Variants in CNNM1 observed in about 807,000 individuals in gnomAD.
CNNM1 encodes metal transporter CNNM1.
A neutral mutation model predicts 78.8 loss-of-function variants in CNNM1; 44 were observed. That is an observed-to-expected ratio of 0.56 (90% confidence interval 0.44 to 0.72). The LOEUF (loss-of-function observed/expected upper bound fraction) is 0.72. Among genes scored for constraint, CNNM1 ranks in the 30% least tolerant of loss-of-function variants. The pLI is 0.00. For missense variants in CNNM1, 1,101 were observed against 1,292.2 expected, an observed-to-expected ratio of 0.85 and a Z score of 2.27; for synonymous variants, 584 against 581.5, an observed-to-expected ratio of 1.00 and a Z score of -0.06.
chr10:99,388,098 G>T (rs1589926157), intron 8 of CNNM1, 54 bp from the exon 9 acceptor site: 2 of 1,606,976 alleles, frequency 1.2e-6, no homozygotes, highest in Admixed American at 3.4e-5. Flanking sequence ...CACACCACCT[G>T]AGCCCTGGGT....
At chr10:99,369,337 G>A (rs2031729610) in intron 6 of CNNM1, among the ~76,000 whole-genome samples, 2 of 152,204 alleles carry the variant, frequency 1.3e-5, no homozygotes, top group South Asian at 4.1e-4. Context: ...TGGGCTCATA[G>A]AGCAAGTAAT....
chr10:99,389,818 C>T (rs2032418625), intron 9 of CNNM1, among the ~76,000 whole-genome samples: 1 of 152,216 alleles, frequency 6.6e-6, no homozygotes, highest in South Asian at 2.1e-4. Flanking sequence ...TAAGGCTTGG[C>T]CCCTTCTGGG....
At chr10:99,337,494 A>ATGCTT (rs375601762) in intron 1 of CNNM1, among the ~76,000 whole-genome samples, 3 of 152,228 alleles carry the variant, frequency 2.0e-5, no homozygotes, top group African/African-American at 7.2e-5. Flanking sequence ...TGTCAGGAAT[A>ATGCTT]TGCTTTGCCT....
intron 1 of CNNM1, among the ~76,000 whole-genome samples, chr10:99,339,652 C>G (rs142335230): frequency 6.6e-6 from 1 of 152,312 alleles, no homozygotes; most frequent in East Asian, 1.9e-4. Context: ...CCCCCTCCCA[C>G]CCTAGTTCAT....
chr10:99,345,528 C>T (rs568892073), intron 1 of CNNM1, among the ~76,000 whole-genome samples: 8 of 152,284 alleles, frequency 5.3e-5, no homozygotes, highest in Admixed American at 3.3e-4. Flanking sequence ...AATGTATCCT[C>T]CTCATATCTG....
At position 99,362,232 on chromosome 10, in the gene CNNM1, G is replaced by C. The variant is rs1161567801; in HGVS notation, c.1864G>C (p.Glu622Gln). Residue 622 changes from glutamate (E) to glutamine (Q), a missense_variant, in exon 4 of 11, where the codon GAG becomes CAG. Around this residue, in one of 3 missense-constraint regions of CNNM1, gnomAD observed 277 missense variants for 423.2 expected, o/e 0.65. Transcript: ENST00000356713. ...TCCCACTCACTCTCCTCTAGAAGTG[G>C]AGCCCTTTAAGTCTCTGTACCTTTC... ...ATHRFMATEV[E>Q]PFKSLYLSEK... 6.2e-7 allele frequency: 1 copy of C among 1,609,896 alleles called. No homozygotes were observed. The highest frequency in any genetic ancestry group is 8.5e-7 in the Non-Finnish European group (1 of 1,178,264).
At chr10:99,364,597 C>T (rs1442449869) in intron 5 of CNNM1, 81 bp downstream of exon 5, 4 of 1,133,244 alleles carry the variant, frequency 3.5e-6, no homozygotes, top group African/African-American at 1.6e-5. Flanking sequence ...TTGACTCCCC[C>T]TTTGACTCTT....
chr10:99,379,099 G>A (rs2032061279), intron 7 of CNNM1, among the ~76,000 whole-genome samples: 1 of 152,224 alleles, frequency 6.6e-6, no homozygotes, highest in Admixed American at 6.5e-5. Flanking sequence ...ACTCTAATAT[G>A]TTAAGTCTGG....
At chr10:99,384,657 T>G (rs2032255163) in intron 7 of CNNM1, among the ~76,000 whole-genome samples, 1 of 152,174 alleles carries the variant, frequency 6.6e-6, no homozygotes, top group South Asian at 2.1e-4. Flanking sequence ...CACTCAGTAT[T>G]GTTACCAAAA....
chr10:99,357,553 G>A lies in CNNM1; in HGVS notation c.1615G>A (p.Gly539Arg). 1 of 1,613,554 alleles carries A rather than the reference G, an allele frequency of 6.2e-7. No homozygotes were observed. The highest frequency in any genetic ancestry group is 1.1e-5 in the South Asian group (1 of 91,008). The change falls in exon 2 of 11, where the codon GGA becomes AGA. Residue 539 changes from glycine (G) to arginine (R), a missense_variant. Transcript: ENST00000356713. ...LAIVQRVNNE[G>R]EGDPFYEVMG... ...CATTGTCCAGCGGGTGAATAATGAG[G>A]GAGAAGGGGACCCTTTCTATGAGGT...
Position 99,381,730 on chromosome 10 carries a change from C to T in CNNM1, c.2340+4512C>T, listed in dbSNP as rs532610830. On this transcript the variant is annotated intron_variant, in intron 7 of 10. Transcript: ENST00000356713. Reference sequence around the variant, plus strand: ...TGCACTCCAGCCTGGGCGACAAGAGCGAAACTCCGTCTCAAAAAAAAAAAC... The same window carrying T: ...TGCACTCCAGCCTGGGCGACAAGAGTGAAACTCCGTCTCAAAAAAAAAAAC... Among the ~76,000 whole-genome samples the T allele has an allele frequency of 7.9e-4, 117 of 148,342 alleles. 2 individuals carry two copies. The South Asian group carries it at 0.012, about 15-fold the overall frequency.
rs12769145 is a variant in CNNM1 at position 99,334,422 on chromosome 10, G to A, written c.1573+3462G>A. Among the ~76,000 whole-genome samples the A allele has an allele frequency of 7.9e-5, 12 of 152,324 alleles. No individual in the cohort carries two copies. The East Asian group carries it at 2.1e-3, about 27-fold the overall frequency. Reference sequence around the variant, plus strand: ...AATCCCAGCATTTTGGGAGGGCGAGGTGGGTGGATCACCTGAGGTCAGGAG... The same window carrying A: ...AATCCCAGCATTTTGGGAGGGCGAGATGGGTGGATCACCTGAGGTCAGGAG... On this transcript the variant is annotated intron_variant, in intron 1 of 10. Transcript: ENST00000356713.
intron 9 of CNNM1, among the ~76,000 whole-genome samples, chr10:99,389,338 A>G (rs1174726898): frequency 2.0e-5 from 3 of 149,418 alleles, no homozygotes; most frequent in Admixed American, 6.9e-5. Flanking sequence ...AATCGCTTGA[A>G]CCTGGGAAGC....
At chr10:99,354,335 T>G (rs1383811928) in intron 1 of CNNM1, among the ~76,000 whole-genome samples, 1 of 152,228 alleles carries the variant, frequency 6.6e-6, no homozygotes, top group Non-Finnish European at 1.5e-5. Context: ...GAACCACTGA[T>G]GCAAGGTTTA....
At chr10:99,357,235 C>T (rs1414399087) in intron 1 of CNNM1, among the ~76,000 whole-genome samples, 1 of 152,092 alleles carries the variant, frequency 6.6e-6, no homozygotes, top group Non-Finnish European at 1.5e-5. Flanking sequence ...CTAACATATA[C>T]TTGCTAATAT....
intron 1 of CNNM1, among the ~76,000 whole-genome samples, chr10:99,346,431 GCCTACC>G (rs2030699118): frequency 6.6e-6 from 1 of 152,164 alleles, no homozygotes; most frequent in Non-Finnish European, 1.5e-5. Context: ...CTGGCACAGT[GCCTACC>G]CATAGCAGAT....
chr10:99,360,725 C>A (rs950016664), intron 2 of CNNM1, 110 bp from the exon 3 acceptor site: 32 of 1,352,844 alleles, frequency 2.4e-5, no homozygotes, highest in Non-Finnish European at 3.0e-5. Context: ...TGATGTCACC[C>A]ATAGTTGACA....
At chr10:99,390,806 A>G (rs1009904134) in intron 10 of CNNM1, among the ~76,000 whole-genome samples, 2 of 152,246 alleles carry the variant, frequency 1.3e-5, no homozygotes, top group Non-Finnish European at 2.9e-5. Flanking sequence ...TAGTCCTTTA[A>G]AGAATTGGTG....
intron 1 of CNNM1, among the ~76,000 whole-genome samples, chr10:99,336,865 G>C (rs1438657960): frequency 5.3e-5 from 8 of 152,124 alleles, no homozygotes; most frequent in Non-Finnish European, 1.0e-4. Flanking sequence ...TTACTCAGGA[G>C]GCTGAGGCAG....
Sources: gnomAD v4.1 joint callset for allele counts (sites outside exome capture counted in the v4.1 genomes callset) on GRCh38, gnomAD v4.1.1 for gene constraint, gnomAD v4.1.1 regional missense constraint, MANE v1.5 for transcripts, NCBI Gene and HGNC (gene_info 2026-07-23, HGNC 2026-07-21) for gene names.